KSR2: variants seen among roughly 807,000 people sequenced by gnomAD.
KSR2 encodes the protein kinase suppressor of ras 2.
In KSR2, 25 loss-of-function variants were observed where a neutral mutation model predicts 107.8. The ratio of observed to expected loss-of-function variants is 0.23; its 90% CI spans 0.17 to 0.32. The LOEUF (loss-of-function observed/expected upper bound fraction) is 0.32, where lower values mean the gene tolerates loss of function less well. Ranked by LOEUF, KSR2 falls within the 10% of genes least tolerant of loss-of-function variation. The probability of loss-of-function intolerance (pLI) is 1.00; values close to 1 mark genes in which losing one functional copy is unlikely to be tolerated. For missense variants in KSR2, 887 were observed against 1,268.9 expected (o/e 0.70, Z 4.57); for synonymous variants, 480 against 507.0 (o/e 0.95, Z 0.71).
chr12:117,964,830 C>T (rs1245975448), intron 1 of KSR2, among the ~76,000 whole-genome samples: 1 of 152,226 alleles, frequency 6.6e-6, no homozygotes, highest in Non-Finnish European at 1.5e-5. Context: ...GAATTTACAA[C>T]TATATCAGTC....
chr12:117,656,635 G>T (rs1361226346), intron 5 of KSR2, among the ~76,000 whole-genome samples: 5 of 152,122 alleles, frequency 3.3e-5, no homozygotes, highest in African/African-American at 1.2e-4. Context: ...GTTTGAGTCA[G>T]CGGGCTAGGG....
chr12:117,647,056 G>C (rs886785024), intron 5 of KSR2, among the ~76,000 whole-genome samples: 4 of 152,116 alleles, frequency 2.6e-5, no homozygotes, highest in African/African-American at 9.7e-5. Context: ...GCCACACAGA[G>C]AAAAAAGAGA....
chr12:117,938,240 G>C (rs1895904331), intron 1 of KSR2, among the ~76,000 whole-genome samples: 1 of 152,052 alleles, frequency 6.6e-6, no homozygotes, highest in African/African-American at 2.4e-5. Context: ...ACACATATTT[G>C]TACATCATTA....
intron 14 of KSR2, among the ~76,000 whole-genome samples, chr12:117,488,159 C>T (rs919069219): frequency 6.6e-6 from 1 of 152,164 alleles, no homozygotes; most frequent in Non-Finnish European, 1.5e-5. Flanking sequence ...TGCCTCCCAT[C>T]ATAATTGTGA....
intron 3 of KSR2, among the ~76,000 whole-genome samples, chr12:117,768,332 T>C (rs1381865847): frequency 1.3e-5 from 2 of 152,222 alleles, no homozygotes; most frequent in Non-Finnish European, 2.9e-5. Flanking sequence ...TTTGATCATA[T>C]GGCTTAAAAG....
At chr12:117,572,992 T>C (rs1878993401) in intron 7 of KSR2, among the ~76,000 whole-genome samples, 1 of 152,226 alleles carries the variant, frequency 6.6e-6, no homozygotes, top group Admixed American at 6.5e-5. Flanking sequence ...AATATGTGAA[T>C]TGTGCTGACA....
chr12:117,521,424 A>G (rs1418513598), intron 14 of KSR2, among the ~76,000 whole-genome samples: 4 of 152,166 alleles, frequency 2.6e-5, no homozygotes, highest in African/African-American at 4.8e-5. Context: ...ACTCAACTCT[A>G]TTGGCTTTCA....
At chr12:117,528,872 G>A (rs981403659) in intron 12 of KSR2, among the ~76,000 whole-genome samples, 4 of 152,208 alleles carry the variant, frequency 2.6e-5, no homozygotes, top group African/African-American at 7.2e-5. Flanking sequence ...TAAGCAGATC[G>A]CAAGCAGCTA....
intron 7 of KSR2, among the ~76,000 whole-genome samples, chr12:117,568,696 TG>T (rs146887198): frequency 0.024 from 3,607 of 152,248 alleles, 147 homozygotes; most frequent in African/African-American, 0.082. Context: ...GGCACCTGGG[TG>T]AGCCCCCAAT....
At chr12:117,658,747 A>G (rs12231183) in intron 5 of KSR2, among the ~76,000 whole-genome samples, 14,122 of 152,158 alleles carry the variant, frequency 0.093, 1,032 homozygotes, top group East Asian at 0.38. Flanking sequence ...CCAGAAGAGG[A>G]CCAGGCTTGT....
At chr12:117,824,628 G>A (rs899143045) in intron 3 of KSR2, among the ~76,000 whole-genome samples, 8 of 151,940 alleles carry the variant, frequency 5.3e-5, no homozygotes, top group Non-Finnish European at 7.4e-5. Context: ...AGGCCGAGGC[G>A]GGCGGATCAC....
intron 2 of KSR2, among the ~76,000 whole-genome samples, chr12:117,859,892 C>A (rs1028076643): frequency 1.3e-5 from 2 of 152,206 alleles, no homozygotes; most frequent in African/African-American, 2.4e-5. Context: ...CAGCCACGGG[C>A]CCCATTAATT....
rs573879238 is a variant in KSR2 at position 117,467,562 on chromosome 12, A to G, written c.2847-357T>C. 1.1e-3 allele frequency among the ~76,000 whole-genome samples: 168 copies of G among 152,368 alleles called. 1 individual carries two copies. Among genetic ancestry groups the G allele is most frequent in the African/African-American group, 3.9e-3 (163 of 41,592 alleles). ...GCCAAAGGGCACACTGCCAGGAAGC[A>G]GCAGGGTCAGGATTTGAACCCAGAA... is the stretch of plus-strand genomic sequence containing the variant. On this transcript the variant is annotated intron_variant, in intron 19 of 19. Coordinates refer to ENST00000339824, the MANE Select transcript of KSR2 (RefSeq NM_173598.6).
intron 14 of KSR2, among the ~76,000 whole-genome samples, chr12:117,507,616 G>A (rs1324937376): frequency 1.3e-5 from 2 of 152,190 alleles, no homozygotes; most frequent in Admixed American, 1.3e-4. Flanking sequence ...TCTGTCACCA[G>A]CAGCCCCATC....
chr12:117,512,121 T>C (rs1008529226), intron 14 of KSR2, among the ~76,000 whole-genome samples: 3 of 152,236 alleles, frequency 2.0e-5, no homozygotes, highest in Non-Finnish European at 4.4e-5. Flanking sequence ...CAAATGTCAC[T>C]GGGCAGGTGA....
intron 3 of KSR2, among the ~76,000 whole-genome samples, chr12:117,838,907 A>G (rs1753700750): frequency 6.6e-6 from 1 of 152,248 alleles, no homozygotes; most frequent in South Asian, 2.1e-4. Context: ...TGTGGGCCAT[A>G]CGGTCTCTGT....
intron 3 of KSR2, among the ~76,000 whole-genome samples, chr12:117,803,546 CA>C (rs949020406): frequency 2.0e-5 from 3 of 151,848 alleles, no homozygotes; most frequent in Non-Finnish European, 4.4e-5. Flanking sequence ...ACTAAAAATA[CA>C]AAAAAATTAG....
chr12:117,650,178 G>A (rs916883206), intron 5 of KSR2, among the ~76,000 whole-genome samples: 5 of 152,110 alleles, frequency 3.3e-5, no homozygotes, highest in Non-Finnish European at 7.4e-5. Flanking sequence ...AGCTTCCAGG[G>A]AATATAAAGC....
intron 14 of KSR2, among the ~76,000 whole-genome samples, chr12:117,508,887 T>C (rs1873862243): frequency 7.4e-6 from 1 of 134,244 alleles, no homozygotes; most frequent in South Asian, 2.6e-4. Flanking sequence ...GATGGGTGGA[T>C]GGATGTTGAA....
Sources: allele counts gnomAD v4.1 joint callset (sites outside exome capture counted in the v4.1 genomes callset), GRCh38; gene constraint gnomAD v4.1.1; transcripts MANE v1.5; gene names NCBI Gene and HGNC (gene_info 2026-07-23, HGNC 2026-07-21).